Variants in FOXP2 observed in about 807,000 individuals in gnomAD.
FOXP2 encodes forkhead box protein P2.
In FOXP2, 12 loss-of-function variants were observed where a neutral mutation model predicts 115.8. The observed-to-expected ratio is 0.10, with a 90% CI of 0.07 to 0.17. FOXP2 has a LOEUF of 0.17. Ranked by LOEUF, FOXP2 falls within the 10% of genes least tolerant of loss-of-function variation. FOXP2 has a pLI of 1.00. For synonymous variants in FOXP2, 328 were observed against 297.7 expected, an observed-to-expected ratio of 1.10 and a Z score of -1.05; for missense variants, 629 against 843.5, an observed-to-expected ratio of 0.75 and a Z score of 3.15.
intron 3 of FOXP2, among the ~76,000 whole-genome samples, chr7:114,572,294 A>G (rs559475600): frequency 6.6e-6 from 1 of 151,822 alleles, no homozygotes; most frequent in East Asian, 1.9e-4. Context: ...AATGTTATAT[A>G]TGCTGGCTTC....
chr7:114,490,804 C>T (rs1364957910), intron 2 of FOXP2, among the ~76,000 whole-genome samples: 2 of 152,000 alleles, frequency 1.3e-5, no homozygotes, highest in East Asian at 3.9e-4. Context: ...TGGTTTCCAG[C>T]TTCATCCATG....
At chr7:114,514,589 CTT>C (rs948985417) in intron 2 of FOXP2, among the ~76,000 whole-genome samples, 1 of 150,204 alleles carries the variant, frequency 6.7e-6, no homozygotes, top group East Asian at 1.9e-4. Context: ...ACACAATTTT[CTT>C]TTTTTTTAGA....
chr7:114,311,556 G>A lies in FOXP2; in HGVS notation c.-11+23447G>A, dbSNP rs148895638. 2.8e-3 allele frequency among the ~76,000 whole-genome samples: 432 copies of A among 152,158 alleles called. 2 individuals are homozygous for A. The highest frequency in any genetic ancestry group is 1.0e-2 in the African/African-American group (415 of 41,524). On this transcript the variant is annotated intron_variant, in intron 2 of 17. Coordinates refer to the FOXP2 transcript ENST00000634411. ...CCCCCAGTGCAAACCCCAGCTGAAC[G>A]CCATTTAGTTATATTCTGGTGCGTT...
At chr7:114,122,428 C>T (rs1273380536) in intron 1 of FOXP2, among the ~76,000 whole-genome samples, 1 of 148,800 alleles carries the variant, frequency 6.7e-6, no homozygotes. Context: ...TTTTTTTGGC[C>T]ACTGGGAGTT....
chr7:114,574,391 G>C (rs764115311), intron 3 of FOXP2, among the ~76,000 whole-genome samples: 1 of 151,548 alleles, frequency 6.6e-6, no homozygotes, highest in Non-Finnish European at 1.5e-5. Flanking sequence ...TTCACATTCA[G>C]TTTTTTCAAA....
chr7:114,380,163 T>G (rs1792252597), intron 2 of FOXP2, among the ~76,000 whole-genome samples: 1 of 152,192 alleles, frequency 6.6e-6, no homozygotes, highest in Admixed American at 6.5e-5. Context: ...GACTGCCACC[T>G]CTTTAGGTTT....
intron 3 of FOXP2, among the ~76,000 whole-genome samples, chr7:114,570,540 C>A (rs143356713): frequency 3.3e-4 from 50 of 151,914 alleles, no homozygotes; most frequent in African/African-American, 1.2e-3. Context: ...GTTCCTACAG[C>A]AGTATCATGG....
At position 114,642,418 on chromosome 7, in the gene FOXP2, A is replaced by C; in HGVS notation, c.784A>C (p.Ser262Arg). 1 of 1,613,624 alleles carries C rather than the reference A, an allele frequency of 6.2e-7. No homozygotes were observed. The highest frequency in any genetic ancestry group is 1.3e-5 in the African/African-American group (1 of 74,986). Reference protein sequence around the residue: ...PVQSLPQAGLSPAEIQQLWKE... With the variant: ...PVQSLPQAGLRPAEIQQLWKE... ...TTTCTTTCATTTTATAGCTGGCTTA[A>C]GTCCTGCTGAGATTCAGCAGTTATG... is the stretch of plus-strand genomic sequence containing the variant. The change falls in exon 7 of 17, where the codon AGT (serine) becomes CGT (arginine). Residue 262 changes from serine to arginine, a missense_variant. This residue lies in a region of FOXP2 where 138 missense variants were observed against 205.1 expected (regional missense o/e 0.67). Coordinates refer to ENST00000350908, the MANE Select transcript of FOXP2 (RefSeq NM_014491.4).
At chr7:114,475,784 G>A (rs1796229934) in intron 2 of FOXP2, among the ~76,000 whole-genome samples, 1 of 150,906 alleles carries the variant, frequency 6.6e-6, no homozygotes, top group Non-Finnish European at 1.5e-5. Flanking sequence ...AATGTGCACA[G>A]GTACCCCGTT....
chr7:114,388,268 C>A (rs1188956760), intron 2 of FOXP2, among the ~76,000 whole-genome samples: 1 of 152,036 alleles, frequency 6.6e-6, no homozygotes, highest in Non-Finnish European at 1.5e-5. Flanking sequence ...AAAATGAGCC[C>A]CACCTTTAGG....
At chr7:114,631,241 T>G (rs942748763) in intron 5 of FOXP2, among the ~76,000 whole-genome samples, 1 of 152,210 alleles carries the variant, frequency 6.6e-6, no homozygotes, top group African/African-American at 2.4e-5. Flanking sequence ...TGTATTATTA[T>G]CTACAATAAG....
chr7:114,458,019 AAT>A (rs1795395482), intron 2 of FOXP2, among the ~76,000 whole-genome samples: 1 of 152,224 alleles, frequency 6.6e-6, no homozygotes, highest in African/African-American at 2.4e-5. Flanking sequence ...AAAAATAAGT[AAT>A]ATATTTGTAA....
At chr7:114,244,103 T>C (rs1795220209) in intron 1 of FOXP2, among the ~76,000 whole-genome samples, 1 of 152,208 alleles carries the variant, frequency 6.6e-6, no homozygotes, top group Non-Finnish European at 1.5e-5. Flanking sequence ...GCATTTTCAC[T>C]GTATTCTAAC....
At chr7:114,390,023 CAAAAAAAAAA>C (rs11311566) in intron 2 of FOXP2, among the ~76,000 whole-genome samples, 33 of 93,192 alleles carry the variant, frequency 3.5e-4, no homozygotes, top group Non-Finnish European at 5.6e-4. Context: ...CATTCAGTGT[CAAAAAAAAAA>C]AAAAAAAAAA....
intron 2 of FOXP2, among the ~76,000 whole-genome samples, chr7:114,497,166 C>G (rs1478645202): frequency 6.6e-6 from 1 of 152,140 alleles, no homozygotes; most frequent in Non-Finnish European, 1.5e-5. Context: ...CTGACACACT[C>G]ATAGTAAAAT....
chr7:114,473,437 T>G (rs186319637), intron 2 of FOXP2, among the ~76,000 whole-genome samples: 29 of 152,334 alleles, frequency 1.9e-4, no homozygotes, highest in Non-Finnish European at 3.4e-4. Flanking sequence ...GTCTGCTTAT[T>G]AAAAGTTATT....
intron 1 of FOXP2, among the ~76,000 whole-genome samples, chr7:114,238,655 C>T (rs1415927738): frequency 2.0e-5 from 3 of 151,816 alleles, no homozygotes; most frequent in Admixed American, 2.0e-4. Context: ...GCCTGTAGTC[C>T]CAGCTACTAA....
chr7:114,450,654 T>G (rs753901041), intron 2 of FOXP2, among the ~76,000 whole-genome samples: 2 of 152,078 alleles, frequency 1.3e-5, no homozygotes, highest in African/African-American at 2.4e-5. Flanking sequence ...GAATTTGCCT[T>G]GTTTGAAGTG....
At chr7:114,101,502 A>G (rs1790955609) in intron 1 of FOXP2, among the ~76,000 whole-genome samples, 1 of 152,278 alleles carries the variant, frequency 6.6e-6, no homozygotes. Context: ...ACAGTGTCAG[A>G]AAAGGAAACA....
Sources: allele counts gnomAD v4.1 joint callset (sites outside exome capture counted in the v4.1 genomes callset), GRCh38; gene constraint gnomAD v4.1.1; regional missense constraint gnomAD v4.1.1; transcripts MANE v1.5; gene names NCBI Gene and HGNC (gene_info 2026-07-23, HGNC 2026-07-21).